The following FNBP1 variants were observed in gnomAD, a reference collection of about 807,000 sequenced individuals.
FNBP1 encodes formin-binding protein 1.
FNBP1 carries 26 observed loss-of-function variants against 90.6 expected under a neutral mutation model. That is an observed-to-expected ratio of 0.29 (90% CI 0.21 to 0.40). FNBP1 has a LOEUF of 0.40. FNBP1 is among the 10% of genes least tolerant of loss of function. FNBP1 has a pLI of 1.00. For missense variants in FNBP1, 635 were observed against 768.0 expected (o/e 0.83, Z 2.05); for synonymous variants, 260 against 265.2 (o/e 0.98, Z 0.19).
At chr9:129,987,730 A>G (rs924632559) in intron 2 of FNBP1, among the ~76,000 whole-genome samples, 1 of 151,860 alleles carries the variant, frequency 6.6e-6, no homozygotes, top group Non-Finnish European at 1.5e-5. Flanking sequence ...CAAACTCCCA[A>G]CATCAGGTCA....
At chr9:129,899,721 C>T (rs1348971550) in intron 15 of FNBP1, among the ~76,000 whole-genome samples, 1 of 142,034 alleles carries the variant, frequency 7.0e-6, no homozygotes, top group Non-Finnish European at 1.5e-5. Flanking sequence ...AGAGCGAGAC[C>T]CTGTATGAAA....
chr9:130,035,125 G>A (rs1053560995), intron 1 of FNBP1, among the ~76,000 whole-genome samples: 1 of 152,182 alleles, frequency 6.6e-6, no homozygotes, highest in African/African-American at 2.4e-5. Context: ...CCCCAGCCTG[G>A]GCAACATGGA....
rs1447811276 is a variant in FNBP1 at position 130,042,198 on chromosome 9, A to C, written c.24+754T>G. 6.6e-6 allele frequency among the ~76,000 whole-genome samples: 1 copy of C among 151,840 alleles called. No individual in the cohort carries two copies. Among genetic ancestry groups the C allele is most frequent in the East Asian group, 1.9e-4 (1 of 5,154 alleles). ...CCCCGCAAGGCGCCCCTCACCGCCA[A>C]CTTTCCCCACTGGAAACTATTCTCC... On this transcript the variant is annotated intron_variant, in intron 1 of 16. Coordinates refer to ENST00000446176, the MANE Select transcript of FNBP1 (RefSeq NM_015033.3). This position sits in a 1 kb window ranked among gnomAD's most constrained non-coding sequence, Gnocchi z 5.5.
chr9:129,991,588 T>A (rs1010907320), intron 2 of FNBP1, among the ~76,000 whole-genome samples: 1 of 152,020 alleles, frequency 6.6e-6, no homozygotes, highest in Non-Finnish European at 1.5e-5. Flanking sequence ...GATTTTTAAG[T>A]TGGGGAGATC....
upstream of FNBP1, among the ~76,000 whole-genome samples, chr9:130,043,531 C>G (rs1226412458): frequency 6.6e-6 from 1 of 152,256 alleles, no homozygotes; most frequent in Non-Finnish European, 1.5e-5. Context: ...CTCCCCTGCG[C>G]GTATCGCCGC....
intron 6 of FNBP1, among the ~76,000 whole-genome samples, chr9:129,952,178 C>T (rs534232259): frequency 3.3e-5 from 5 of 150,630 alleles, no homozygotes; most frequent in South Asian, 4.2e-4. Flanking sequence ...GGCAACAGAG[C>T]GAGACTCTAT....
intron 1 of FNBP1, chr9:130,014,192 G>A (rs2056966011): frequency 2.9e-6 from 1 of 350,552 alleles, no homozygotes; most frequent in Non-Finnish European, 5.6e-6. Context: ...GATGTGATCA[G>A]GGAGGGGCCA....
intron 6 of FNBP1, among the ~76,000 whole-genome samples, chr9:129,952,050 G>C (rs895782136): frequency 2.0e-5 from 3 of 151,762 alleles, no homozygotes; most frequent in African/African-American, 7.3e-5. Context: ...AAATTAGCCA[G>C]GTGTGGTGGC....
chr9:129,992,549 C>CTTT (rs11455680), intron 2 of FNBP1, among the ~76,000 whole-genome samples: 1,929 of 92,238 alleles, frequency 0.021, 12 homozygotes, highest in Non-Finnish European at 0.025. Flanking sequence ...ACACATAGCT[C>CTTT]TTTTTTTTTT....
chr9:129,954,245 A>C (rs1266319755), intron 6 of FNBP1, among the ~76,000 whole-genome samples: 1 of 152,128 alleles, frequency 6.6e-6, no homozygotes, highest in East Asian at 1.9e-4. Flanking sequence ...ATCAACCCAG[A>C]AGTAGACAAT....
intron 1 of FNBP1, among the ~76,000 whole-genome samples, chr9:130,000,547 T>A (rs575826294): frequency 2.0e-5 from 3 of 152,166 alleles, no homozygotes; most frequent in Non-Finnish European, 4.4e-5. Context: ...CATAGATATA[T>A]GCAGATCTTC....
At chr9:129,931,892 G>C (rs1280841660) in intron 6 of FNBP1, among the ~76,000 whole-genome samples, 2 of 123,714 alleles carry the variant, frequency 1.6e-5, no homozygotes, top group African/African-American at 6.0e-5. Context: ...AGACAGAAAA[G>C]AAGAAAAGAG....
intron 12 of FNBP1, among the ~76,000 whole-genome samples, chr9:129,905,879 C>CTTTTTTTTTTTTTTTTTTT (rs35439760): frequency 2.8e-5 from 4 of 145,394 alleles, no homozygotes; most frequent in African/African-American, 2.5e-5. Flanking sequence ...AGGCATATTT[C>CTTTTTTTTTTTTTTTTTTT]TTTTTTTTTT....
At chr9:129,995,837 A>C (rs2053907123) in intron 1 of FNBP1, among the ~76,000 whole-genome samples, 1 of 152,212 alleles carries the variant, frequency 6.6e-6, no homozygotes, top group African/African-American at 2.4e-5. Flanking sequence ...GCTCAGAGCT[A>C]GATCACCCAA....
intron 1 of FNBP1, among the ~76,000 whole-genome samples, chr9:130,015,937 A>G (rs1316663484): frequency 6.6e-6 from 1 of 152,204 alleles, no homozygotes; most frequent in African/African-American, 2.4e-5. Flanking sequence ...GGTCTCCCAA[A>G]GTGCATTTAT....
At chr9:129,899,574 C>T (rs1219596296) in intron 15 of FNBP1, among the ~76,000 whole-genome samples, 1 of 151,880 alleles carries the variant, frequency 6.6e-6, no homozygotes, top group Non-Finnish European at 1.5e-5. Context: ...TACAAAAGTA[C>T]AAAAATGAGC....
intron 1 of FNBP1, among the ~76,000 whole-genome samples, chr9:130,023,178 C>G (rs1405888941): frequency 1.3e-5 from 2 of 151,738 alleles, no homozygotes; most frequent in Non-Finnish European, 2.9e-5. Context: ...TCACAAGAAA[C>G]CAGTTATGGT....
chr9:129,942,883 T>G (rs2044544052), intron 6 of FNBP1, among the ~76,000 whole-genome samples: 8 of 141,678 alleles, frequency 5.6e-5, no homozygotes, highest in African/African-American at 7.8e-5. Context: ...GGGGGTGGGG[T>G]GGTCTCACTA....
At chr9:129,925,873 C>T (rs1460453741) in intron 8 of FNBP1, among the ~76,000 whole-genome samples, 2 of 151,162 alleles carry the variant, frequency 1.3e-5, no homozygotes, top group Non-Finnish European at 3.0e-5. Flanking sequence ...GCATTACAGG[C>T]TTGAGTCACC....
Sources: allele counts gnomAD v4.1 joint callset (sites outside exome capture counted in the v4.1 genomes callset), GRCh38; gene constraint gnomAD v4.1.1; non-coding constraint Gnocchi (gnomAD v3.1); transcripts MANE v1.5; gene names NCBI Gene and HGNC (gene_info 2026-07-23, HGNC 2026-07-21).